KIAA1614: variants seen among roughly 807,000 people sequenced by gnomAD.
The protein encoded by KIAA1614 is uncharacterized protein KIAA1614.
A neutral mutation model predicts 88.7 loss-of-function variants in KIAA1614; 76 were observed. The ratio of observed to expected loss-of-function variants is 0.86; its 90% confidence interval spans 0.71 to 1.04. The LOEUF (loss-of-function observed/expected upper bound fraction) is 1.04, where lower values mean the gene tolerates loss of function less well. KIAA1614 is among the 50% of genes least tolerant of loss of function. The probability of loss-of-function intolerance (pLI) is 0.00; values close to 1 mark genes in which losing one functional copy is unlikely to be tolerated. For synonymous variants in KIAA1614, 714 were observed against 675.5 expected (o/e 1.06, Z -0.88); for missense variants, 1,553 against 1,582.5 (o/e 0.98, Z 0.32).
intron 4 of KIAA1614, among the ~76,000 whole-genome samples, chr1:180,930,667 T>G (rs1654178113): frequency 6.6e-6 from 1 of 152,194 alleles, no homozygotes; most frequent in Admixed American, 6.5e-5. Context: ...CCCCAATCAC[T>G]AACTTTAACG....
Position 180,950,598 on chromosome 1 carries a change from C to A in KIAA1614, c.*5010C>A. 1 of 919,578 alleles carries A rather than the reference C, an allele frequency of 1.1e-6. No homozygotes were observed. Among genetic ancestry groups the A allele is most frequent in the Non-Finnish European group, 1.3e-6 (1 of 741,216 alleles). 57.0% of individuals were successfully genotyped at this position (919,578 alleles called of 1,614,324 possible). ...GCCCTGAAGCACTCAGGGTGGTTGG[C>A]AGGAACGTGCTGCACAGAGCTGCTC... On this transcript the variant is annotated 3_prime_UTR_variant, in exon 9 of 9. Transcript: ENST00000367588.
At chr1:180,943,242 G>A (rs143156245) in intron 7 of KIAA1614, among the ~76,000 whole-genome samples, 2,586 of 152,156 alleles carry the variant, frequency 0.017, 81 homozygotes, top group African/African-American at 0.06. Context: ...GGCCAGGCTG[G>A]TCTCAAACTC....
chr1:180,915,729 C>T (rs1488277027), intron 1 of KIAA1614, among the ~76,000 whole-genome samples: 1 of 152,166 alleles, frequency 6.6e-6, no homozygotes, highest in African/African-American at 2.4e-5. Flanking sequence ...CCAGGCCGCA[C>T]AGCAGGAGGT....
In KIAA1614 at chr1:180,916,492, C is replaced by T. The variant is rs1653803595; in HGVS notation, c.389C>T (p.Ser130Leu). 6.2e-7 allele frequency: 1 copy of T among 1,613,994 alleles called. No individual in the cohort carries two copies. The highest frequency in any genetic ancestry group is 1.7e-5 in the Admixed American group (1 of 60,010). The change falls in exon 2 of 9, where the codon TCA becomes TTA. Residue 130 changes from serine to leucine, a missense_variant. By Grantham distance (145) the Ser-to-Leu change is moderately radical. Coordinates refer to ENST00000367588, the MANE Select transcript of KIAA1614 (RefSeq NM_020950.2). ...RGKAGRAGTP[S>L]EGSFLPGAVV... is the part of the protein sequence containing the mutation. ...AAGGCAGGGAGAGCCGGGACTCCAT[C>T]AGAGGGGTCTTTCCTGCCAGGTGCT...
Position 180,950,289 on chromosome 1 carries a change from C to T in KIAA1614, c.*4701C>T, listed in dbSNP as rs748277780. The T allele has an allele frequency of 6.6e-5, 74 of 1,114,608 alleles. No individual in the cohort carries two copies. Among genetic ancestry groups the T allele is most frequent in the Middle Eastern group, 2.4e-4 (1 of 4,094 alleles). 69.0% of individuals were successfully genotyped at this position (1,114,608 alleles called of 1,614,324 possible). On this transcript the variant is annotated 3_prime_UTR_variant, in exon 9 of 9. Transcript: ENST00000367588. ...CAACATGGTCAGCATTCCAGAGATG[C>T]ACTTCTTCGATTTGGGTGTCATTGT...
At chr1:180,940,630 C>CT (rs1553259942) in intron 6 of KIAA1614, among the ~76,000 whole-genome samples, 1 of 151,790 alleles carries the variant, frequency 6.6e-6, no homozygotes, top group Non-Finnish European at 1.5e-5. Flanking sequence ...TCTTTTTTTT[C>CT]TTTCTTTTCT....
intron 4 of KIAA1614, among the ~76,000 whole-genome samples, chr1:180,932,137 A>G (rs1163064967): frequency 6.6e-6 from 1 of 152,124 alleles, no homozygotes; most frequent in East Asian, 1.9e-4. Flanking sequence ...TGGGGCTCAG[A>G]GTCCCAGTGC....
intron 7 of KIAA1614, among the ~76,000 whole-genome samples, chr1:180,942,068 C>A (rs565110008): frequency 4.6e-5 from 7 of 151,320 alleles, no homozygotes; most frequent in African/African-American, 1.7e-4. Context: ...TCCCCACCCC[C>A]CCAGCCCCGC....
intron 2 of KIAA1614, 128 bp downstream of exon 2, chr1:180,917,228 T>C (rs1356197393): frequency 1.5e-6 from 1 of 681,662 alleles, no homozygotes; most frequent in Admixed American, 2.8e-5. Context: ...CAGTTGCCTG[T>C]CATCAAAATC....
chr1:180,918,377 C>T (rs1178840852), intron 3 of KIAA1614, among the ~76,000 whole-genome samples: 2 of 152,208 alleles, frequency 1.3e-5, no homozygotes, highest in East Asian at 1.9e-4. Flanking sequence ...AAGATTTCAC[C>T]TCCAACCTTA....
rs371291178 is a variant in KIAA1614 at position 180,917,819 on chromosome 1, G to T, written c.998-32G>T. ...AGCTGAGAGCCCTGTTTCTGGCTCTGTCCTGATCTCTGCTTCTGTTCTGGA... is the reference window on the plus strand; with the variant it reads ...AGCTGAGAGCCCTGTTTCTGGCTCTTTCCTGATCTCTGCTTCTGTTCTGGA... On this transcript the variant is annotated intron_variant, in intron 2 of 8. Coordinates refer to ENST00000367588, the MANE Select transcript of KIAA1614 (RefSeq NM_020950.2). The T allele has an allele frequency of 5.6e-6, 9 of 1,602,108 alleles. No homozygotes were observed. In the African/African-American group the frequency reaches 1.1e-4, roughly 19 times the overall value.
chr1:180,935,500 G>C lies in KIAA1614; in HGVS notation c.1591G>C (p.Gly531Arg). 1 of 1,509,982 alleles carries C rather than the reference G, an allele frequency of 6.6e-7. No individual in the cohort carries two copies. Among genetic ancestry groups the C allele is most frequent in the Non-Finnish European group, 8.8e-7 (1 of 1,134,146 alleles). The allele number at this position is 1,509,982 out of a possible 1,614,324, so 93.5% of individuals were successfully genotyped here. The change falls in exon 5 of 9, where the codon GGC (glycine) becomes CGC (arginine). Residue 531 changes from glycine to arginine, a missense_variant. By Grantham distance (125) the Gly-to-Arg change is moderately radical (BLOSUM62 -2). Coordinates refer to ENST00000367588, the MANE Select transcript of KIAA1614 (RefSeq NM_020950.2). This position sits in a 1 kb window ranked among gnomAD's most constrained non-coding sequence, Gnocchi z 6.1. ...RRGHPAPPAP[G>R]SERRCQACGS... is the part of the protein sequence containing the mutation. ...GGGACACCCGGCACCGCCGGCACCG[G>C]GCAGCGAGAGGAGGTGCCAGGCCTG...
Position 180,950,498 on chromosome 1 carries a change from A to G in KIAA1614, c.*4910A>G, listed in dbSNP as rs1328286373. The G allele has an allele frequency of 8.9e-7, 1 of 1,129,770 alleles. No individual in the cohort carries two copies. The highest frequency in any genetic ancestry group is 1.1e-6 in the Non-Finnish European group (1 of 908,272). The allele number at this position is 1,129,770 out of a possible 1,614,324, so 70.0% of individuals were successfully genotyped here. ...CCTGGCCCACTCAGAGAGCTTGTCA[A>G]TCCGTGTCCTGAGGCAGAGACCTGT... On this transcript the variant is annotated 3_prime_UTR_variant, in exon 9 of 9. Coordinates refer to ENST00000367588, the MANE Select transcript of KIAA1614 (RefSeq NM_020950.2).
At chr1:180,929,639 C>A (rs1412572681) in intron 4 of KIAA1614, among the ~76,000 whole-genome samples, 1 of 152,238 alleles carries the variant, frequency 6.6e-6, no homozygotes, top group Non-Finnish European at 1.5e-5. Flanking sequence ...ATCTTCCTGC[C>A]TGTTCCGCCG....
At chr1:180,941,006 G>GGGCCGC in intron 6 of KIAA1614, 39 bp from the exon 7 acceptor site, 1 of 908,444 alleles carries the variant, frequency 1.1e-6, no homozygotes, top group Non-Finnish European at 1.5e-6. Context: ...CACCCTCCCG[G>GGGCCGC]CCCTCCCCCG....
rs538506178 is a variant in KIAA1614 at position 180,928,687 on chromosome 1, T to C, written c.1205+114T>C. The C allele has an allele frequency of 5.0e-6, 6 of 1,195,688 alleles. No individual in the cohort carries two copies. The African/African-American group carries it at 9.2e-5, about 18-fold the overall frequency. The allele number at this position is 1,195,688 out of a possible 1,614,324, so 74.1% of individuals were successfully genotyped here. On this transcript the variant is annotated intron_variant, in intron 4 of 8. Coordinates refer to ENST00000367588, the MANE Select transcript of KIAA1614 (RefSeq NM_020950.2). ...CTGCTGCTCGCTCCATGTGTGTGTG[T>C]GTCTGTGTGTTTTCCATATAAGGCT...
intron 3 of KIAA1614, among the ~76,000 whole-genome samples, chr1:180,922,271 T>C (rs1047351471): frequency 2.6e-5 from 4 of 152,200 alleles, no homozygotes; most frequent in Non-Finnish European, 4.4e-5. Context: ...TGTGCTGTAG[T>C]GATGAGGGAA....
chr1:180,941,105 C>G lies in KIAA1614; in HGVS notation c.2979C>G (p.Asn993Lys), dbSNP rs767263860. The change falls in exon 7 of 9, where the codon AAC (asparagine) becomes AAG (lysine). Residue 993 changes from asparagine (N) to lysine (K), a missense_variant. Coordinates refer to ENST00000367588, the MANE Select transcript of KIAA1614 (RefSeq NM_020950.2). ...GSPSAAPLDQ[N>K]KKRSSSIAST... ...CCTCGGCTGCCCCTTTGGACCAGAA[C>G]AAGAAAAGGAGCAGCAGCATAGCCT... 3.8e-6 allele frequency: 6 copies of G among 1,597,012 alleles called. No individual in the cohort carries two copies. The highest frequency in any genetic ancestry group is 5.1e-6 in the Non-Finnish European group (6 of 1,171,846).
chr1:180,941,332 AACC>A (rs1393851136), intron 7 of KIAA1614, 47 bp downstream of exon 7: 1 of 1,559,232 alleles, frequency 6.4e-7, no homozygotes, highest in Non-Finnish European at 8.7e-7. Flanking sequence ...GTAGCGGTGC[AACC>A]ACCATCAGAA....
Sources: gnomAD v4.1 joint callset for allele counts (sites outside exome capture counted in the v4.1 genomes callset) on GRCh38, gnomAD v4.1.1 for gene constraint, Gnocchi (gnomAD v3.1) non-coding constraint, MANE v1.5 for transcripts, NCBI Gene and HGNC (gene_info 2026-07-23, HGNC 2026-07-21) for gene names.